YAE1: variants seen among roughly 807,000 people sequenced by gnomAD.
YAE1 encodes the protein protein YAE1 homolog.
A neutral mutation model predicts 23.0 loss-of-function variants in YAE1; 22 were observed. The ratio of observed to expected loss-of-function variants is 0.96; its 90% CI spans 0.68 to 1.37. The LOEUF (loss-of-function observed/expected upper bound fraction) is 1.37, where lower values mean the gene tolerates loss of function less well. Ranked by LOEUF, YAE1 falls within the 40% of genes most tolerant of loss-of-function variation. The pLI, the probability that YAE1 is intolerant of heterozygous loss-of-function variation, is 0.00. For missense variants in YAE1, 260 were observed against 262.1 expected (o/e 0.99, Z 0.06); for synonymous variants, 101 against 97.0 (o/e 1.04, Z -0.24).
intron 2 of YAE1, 193 bp downstream of exon 2, chr7:39,570,820 C>G: frequency 1.7e-6 from 1 of 600,276 alleles, no homozygotes; most frequent in East Asian, 3.4e-5. Context: ...AATGTGTGAA[C>G]TACATATTGT....
At chr7:39,588,284 G>C (rs762798663) in intron 2 of YAE1, among the ~76,000 whole-genome samples, 13 of 152,272 alleles carry the variant, frequency 8.5e-5, no homozygotes, top group Admixed American at 1.3e-4. Context: ...GGCTGAGGCG[G>C]GTGGATCACC....
chr7:39,573,845 C>T (rs2115780592), downstream of YAE1, among the ~76,000 whole-genome samples: 1 of 152,284 alleles, frequency 6.6e-6, no homozygotes, highest in African/African-American at 2.4e-5. Flanking sequence ...TTTATTAAAA[C>T]CCCCGCTGAA....
chr7:39,610,369 C>G, downstream of YAE1: 1 of 465,264 alleles, frequency 2.1e-6, no homozygotes, highest in Non-Finnish European at 4.3e-6. Context: ...CACATTTCAG[C>G]TCCAACTTTG....
At chr7:39,576,776 T>C (rs2115788376), downstream of YAE1, among the ~76,000 whole-genome samples, 1 of 152,178 alleles carries the variant, frequency 6.6e-6, no homozygotes, top group Non-Finnish European at 1.5e-5. Context: ...CATAGATGCA[T>C]AGGTGGTGCT....
In YAE1 at chr7:39,566,447, T is replaced by A; in HGVS notation, c.29T>A (p.Ile10Asn). The A allele has an allele frequency of 6.2e-7, 1 of 1,614,072 alleles. No individual in the cohort carries two copies. Among genetic ancestry groups the A allele is most frequent in the Non-Finnish European group, 8.5e-7 (1 of 1,179,996 alleles). Residue 10 changes from isoleucine (I) to asparagine (N), a missense_variant, in exon 1 of 3, where the codon ATC (isoleucine) becomes AAC (asparagine). Physicochemically the swap from Ile to Asn is moderately radical, Grantham distance 149 (BLOSUM62 -3). Transcript: ENST00000223273. ...TCGTGGGTTCAAGCAGCCTCCTTGA[T>A]CCAGGGCCCTGGAGACAAAGGGGAC... MSWVQAASL[I>N]QGPGDKGDVF...
intron 2 of YAE1, among the ~76,000 whole-genome samples, chr7:39,571,423 A>G (rs932427172): frequency 1.3e-5 from 2 of 152,064 alleles, no homozygotes; most frequent in Non-Finnish European, 2.9e-5. Context: ...TGGTAGAGAA[A>G]AAAAAAATGC....
At chr7:39,599,650 G>A (rs921779423) in intron 2 of YAE1, among the ~76,000 whole-genome samples, 1 of 151,894 alleles carries the variant, frequency 6.6e-6, no homozygotes, top group Admixed American at 6.5e-5. Flanking sequence ...AACTCTCATA[G>A]TAAGTTAGTA....
intron 2 of YAE1, among the ~76,000 whole-genome samples, chr7:39,607,214 T>C (rs7796063): frequency 0.73 from 110,784 of 152,176 alleles, 42,023 homozygotes; most frequent in East Asian, 0.88. Flanking sequence ...GATAGAATAA[T>C]GTCTGTTGAC....
chr7:39,603,943 TGGTATGTTCAA>T (rs1791091259), intron 2 of YAE1, among the ~76,000 whole-genome samples: 1 of 152,196 alleles, frequency 6.6e-6, no homozygotes, highest in Non-Finnish European at 1.5e-5. Context: ...ACTCAGTTTT[TGGTATGTTCAA>T]GGGCAGAATC....
chr7:39,570,637 A>G lies in YAE1; in HGVS notation c.251+10A>G. 2 of 1,589,090 alleles carry G rather than the reference A, an allele frequency of 1.3e-6. No homozygotes were observed. The highest frequency in any genetic ancestry group is 2.2e-5 in the East Asian group (1 of 44,502). On this transcript the variant is annotated intron_variant, in intron 2 of 2. Transcript: ENST00000223273. ...TCCGAGGAACATTGAGGTAATTTTT[A>G]AAGTCTAAATGCTGAATCATTTTAA...
At chr7:39,570,109 G>T in intron 1 of YAE1, 2 of 997,186 alleles carry the variant, frequency 2.0e-6, no homozygotes, top group Non-Finnish European at 3.1e-6. Flanking sequence ...TGATGCGTAC[G>T]TTGCTCTGCC....
chr7:39,578,539 T>A (rs1041997942), intron 2 of YAE1, among the ~76,000 whole-genome samples: 9 of 152,222 alleles, frequency 5.9e-5, no homozygotes, highest in Non-Finnish European at 1.0e-4. Context: ...GCTTCGCTCC[T>A]GAGGCCAGCG....
At chr7:39,572,943 T>C (rs982428943), downstream of YAE1, 1 of 1,049,140 alleles carries the variant, frequency 9.5e-7, no homozygotes, top group Non-Finnish European at 1.2e-6. Context: ...TCTACTGTCA[T>C]TGACATTTCC....
downstream of YAE1, among the ~76,000 whole-genome samples, chr7:39,576,857 C>T (rs540772243): frequency 2.0e-4 from 30 of 152,204 alleles, no homozygotes; most frequent in African/African-American, 7.0e-4. Flanking sequence ...AACAGGATTC[C>T]AAAATACATC....
chr7:39,569,352 C>A, intron 1 of YAE1: 2 of 350,922 alleles, frequency 5.7e-6, no homozygotes, highest in Non-Finnish European at 5.7e-6. Flanking sequence ...TTATCAAAAT[C>A]ATGATATTAA....
At chr7:39,580,709 C>CTA (rs1332258252) in intron 2 of YAE1, among the ~76,000 whole-genome samples, 9 of 152,178 alleles carry the variant, frequency 5.9e-5, no homozygotes, top group African/African-American at 7.2e-5. Context: ...ATCCCTAAAG[C>CTA]TATACCAGAC....
At position 39,567,465 on chromosome 7, in the gene YAE1, C is replaced by CT. The variant is rs56043103; in HGVS notation, c.129+928dup. 1.3e-3 allele frequency among the ~76,000 whole-genome samples: 197 copies of CT among 149,206 alleles called. 3 individuals are homozygous for CT. The South Asian group carries it at 0.017, about 13-fold the overall frequency. ...TTCTGAAACCAGACTTCTCATCATC[C>CT]TTTTTTTTTTAAACAATTTCCTCTC... On this transcript the variant is annotated intron_variant, in intron 1 of 2. Transcript: ENST00000223273.
chr7:39,572,810 A>G lies in YAE1; in HGVS notation c.*104A>G. 1 of 1,445,042 alleles carries G rather than the reference A, an allele frequency of 6.9e-7. No individual in the cohort carries two copies. Among genetic ancestry groups the G allele is most frequent in the Non-Finnish European group, 9.1e-7 (1 of 1,103,810 alleles). 89.5% of individuals were successfully genotyped at this position (1,445,042 alleles called of 1,614,324 possible). A position where few individuals can be genotyped will look rare whatever the true frequency, so the allele number is the denominator to read the frequency against. On this transcript the variant is annotated 3_prime_UTR_variant, in exon 3 of 3. Transcript: ENST00000223273. ...CATCAAACACCTCAACTGTAGGGTTACCCTTTATGGAAGTTTGAAATTAAC... is the reference window on the plus strand; with the variant it reads ...CATCAAACACCTCAACTGTAGGGTTGCCCTTTATGGAAGTTTGAAATTAAC...
At chr7:39,580,031 T>C (rs1790718405) in intron 2 of YAE1, among the ~76,000 whole-genome samples, 2 of 152,000 alleles carry the variant, frequency 1.3e-5, no homozygotes, top group Non-Finnish European at 2.9e-5. Flanking sequence ...GGCAACAGAG[T>C]GAGACCCTGT....
Sources: gnomAD v4.1 joint callset for allele counts (sites outside exome capture counted in the v4.1 genomes callset) on GRCh38, gnomAD v4.1.1 for gene constraint, MANE v1.5 for transcripts, NCBI Gene and HGNC (gene_info 2026-07-23, HGNC 2026-07-21) for gene names.